NCKAP5: variants seen among roughly 807,000 people sequenced by gnomAD.
NCKAP5 encodes nck-associated protein 5.
A neutral mutation model predicts 167.0 loss-of-function variants in NCKAP5; 92 were observed. That is an observed-to-expected ratio of 0.55 (90% CI 0.47 to 0.66). NCKAP5 has a LOEUF of 0.66. Ranked by LOEUF, NCKAP5 falls within the 30% of genes least tolerant of loss-of-function variation. The pLI is 0.00. For missense variants in NCKAP5, 2,378 were observed against 2,315.0 expected (o/e 1.03, Z -0.56); for synonymous variants, 891 against 877.4 (o/e 1.02, Z -0.27).
At chr2:133,549,283 G>A (rs538726398) in intron 2 of NCKAP5, among the ~76,000 whole-genome samples, 21 of 151,998 alleles carry the variant, frequency 1.4e-4, no homozygotes, top group Non-Finnish European at 2.9e-5. Flanking sequence ...AATAATGGCA[G>A]ACTATACATT....
chr2:133,577,868 AC>A, the NCKAP5 span, among the ~76,000 whole-genome samples: 1 of 152,108 alleles, frequency 6.6e-6, no homozygotes, highest in Non-Finnish European at 1.5e-5. Flanking sequence ...TGGTTTCCAA[AC>A]CCTCTCCCCA....
chr2:133,140,923 G>A (rs1471594204), intron 5 of NCKAP5, among the ~76,000 whole-genome samples: 1 of 151,802 alleles, frequency 6.6e-6, no homozygotes, highest in Non-Finnish European at 1.5e-5. Flanking sequence ...TTCAGGCAGG[G>A]ATTAGGCCTC....
intron 3 of NCKAP5, among the ~76,000 whole-genome samples, chr2:133,352,603 GACATT>G (rs1430597239): frequency 4.3e-4 from 65 of 152,204 alleles, no homozygotes; most frequent in African/African-American, 1.5e-3. Context: ...ACTTGACCCT[GACATT>G]AGACTTGCTG....
chr2:133,319,142 C>T (rs989633686), intron 3 of NCKAP5, among the ~76,000 whole-genome samples: 1 of 143,840 alleles, frequency 7.0e-6, no homozygotes, highest in Non-Finnish European at 1.5e-5. Context: ...GTGTGTGAGC[C>T]ACCCCTCCCC....
chr2:133,299,841 C>G (rs1482104963), intron 4 of NCKAP5, among the ~76,000 whole-genome samples: 2 of 152,064 alleles, frequency 1.3e-5, no homozygotes, highest in Non-Finnish European at 2.9e-5. Context: ...CAATATGAGG[C>G]ATCACGTAAT....
intron 6 of NCKAP5, among the ~76,000 whole-genome samples, chr2:133,000,016 T>G (rs2077727420): frequency 2.0e-5 from 3 of 152,210 alleles, no homozygotes. Flanking sequence ...CATGTTTACT[T>G]GCTGATTAAT....
At chr2:133,273,805 A>T (rs77295965) in intron 4 of NCKAP5, among the ~76,000 whole-genome samples, 3 of 151,432 alleles carry the variant, frequency 2.0e-5, no homozygotes, top group South Asian at 2.1e-4. Context: ...TCCAAAAAAA[A>T]ATTTGGGGGA....
chr2:133,318,118 A>C (rs1681745506), intron 3 of NCKAP5, among the ~76,000 whole-genome samples: 1 of 152,210 alleles, frequency 6.6e-6, no homozygotes, highest in African/African-American at 2.4e-5. Flanking sequence ...AGCCTATGTC[A>C]TAGTTGATTC....
intron 6 of NCKAP5, chr2:133,122,252 T>C (rs2082273436): frequency 1.3e-5 from 2 of 152,234 alleles, no homozygotes; most frequent in South Asian, 2.1e-4. Flanking sequence ...ACATTTATTA[T>C]TGAAAGTAGA....
At chr2:133,248,368 C>T (rs2088114979) in intron 4 of NCKAP5, among the ~76,000 whole-genome samples, 2 of 152,242 alleles carry the variant, frequency 1.3e-5, no homozygotes, top group African/African-American at 2.4e-5. Context: ...AACAAAACCA[C>T]CCAGAGTTCC....
chr2:133,308,884 G>T (rs1681020493), intron 3 of NCKAP5, among the ~76,000 whole-genome samples: 1 of 148,486 alleles, frequency 6.7e-6, no homozygotes, highest in Admixed American at 6.7e-5. Flanking sequence ...CTAATTTTTT[G>T]TATTTTTAGT....
intron 3 of NCKAP5, among the ~76,000 whole-genome samples, chr2:133,475,000 G>C (rs564413791): frequency 2.0e-4 from 31 of 152,224 alleles, no homozygotes; most frequent in Non-Finnish European, 3.8e-4. Context: ...TGGTAGAGCT[G>C]TGGTTTCACC....
chr2:133,104,616 C>T (rs2081622528), intron 6 of NCKAP5, among the ~76,000 whole-genome samples: 1 of 152,206 alleles, frequency 6.6e-6, no homozygotes, highest in Non-Finnish European at 1.5e-5. Flanking sequence ...GGCATGAGCC[C>T]ATGATCCATT....
intron 5 of NCKAP5, among the ~76,000 whole-genome samples, chr2:133,145,958 G>T (rs2083180179): frequency 6.6e-6 from 1 of 152,176 alleles, no homozygotes; most frequent in Non-Finnish European, 1.5e-5. Flanking sequence ...AAATTAGACA[G>T]CCATTGAATC....
At chr2:132,925,709 C>T (rs1695828629) in intron 8 of NCKAP5, among the ~76,000 whole-genome samples, 1 of 152,046 alleles carries the variant, frequency 6.6e-6, no homozygotes, top group African/African-American at 2.4e-5. Context: ...AGAGAGATAA[C>T]AGGTCTGTGG....
chr2:132,919,980 T>G (rs1695184992), intron 8 of NCKAP5, among the ~76,000 whole-genome samples: 1 of 152,178 alleles, frequency 6.6e-6, no homozygotes, highest in Non-Finnish European at 1.5e-5. Context: ...CTGGATGCTG[T>G]TGCTGGTTGA....
intron 8 of NCKAP5, chr2:132,930,925 A>G (rs561902962): frequency 6.6e-6 from 1 of 152,244 alleles, no homozygotes; most frequent in African/African-American, 2.4e-5. Context: ...CTGTTATTTT[A>G]TCTCCCTCTA....
chr2:133,049,553 A>T (rs2149481075), intron 6 of NCKAP5, among the ~76,000 whole-genome samples: 1 of 151,844 alleles, frequency 6.6e-6, no homozygotes, highest in Admixed American at 6.6e-5. Context: ...TCAAAAAAAA[A>T]AAAAAAAAAA....
At chr2:132,953,982 C>T (rs1258631581) in intron 8 of NCKAP5, among the ~76,000 whole-genome samples, 1 of 152,144 alleles carries the variant, frequency 6.6e-6, no homozygotes, top group African/African-American at 2.4e-5. Context: ...TAGAAAAGGC[C>T]TGCCTGAGAG....
Sources: gnomAD v4.1 joint callset for allele counts (sites outside exome capture counted in the v4.1 genomes callset) on GRCh38, gnomAD v4.1.1 for gene constraint, MANE v1.5 for transcripts, NCBI Gene and HGNC (gene_info 2026-07-23, HGNC 2026-07-21) for gene names.